Variants in ABCA4 observed in about 807,000 individuals in gnomAD.
ABCA4 encodes the protein ATP binding cassette subfamily A member 4.
Under a neutral mutation model 263.7 loss-of-function variants are expected in ABCA4, and 196 were observed. That is an observed-to-expected ratio of 0.74 (90% confidence interval 0.66 to 0.84). The LOEUF is 0.84. Among genes scored for constraint, ABCA4 ranks in the 40% least tolerant of loss-of-function variants. The pLI is 0.00. For missense variants in ABCA4, 2,792 were observed against 2,855.1 expected (o/e 0.98, Z 0.50); for synonymous variants, 1,133 against 1,094.2 (o/e 1.04, Z -0.70).
chr1:94,055,255 G>T lies in ABCA4; in HGVS notation c.2443C>A (p.Gln815Lys), dbSNP rs140671840. The T allele has an allele frequency of 6.2e-7, 1 of 1,613,956 alleles. No homozygotes were observed. The highest frequency in any genetic ancestry group is 1.3e-5 in the African/African-American group (1 of 74,926). Residue 815 changes from glutamine to lysine, a missense_variant, in exon 16 of 50, where the codon CAA becomes AAA. Gln to Lys is a moderately conservative substitution (Grantham distance 53, BLOSUM62 1). Coordinates refer to ENST00000370225, the MANE Select transcript of ABCA4 (RefSeq NM_000350.3). ...GTEYLVRFEE[Q>K]GLGLQWSNIG... ...TTGCTCCACTGCAGCCCCAGGCCTT[G>T]CTCTTCAAAGCGAACCAGGTACTCA...
intron 11 of ABCA4, among the ~76,000 whole-genome samples, chr1:94,067,357 G>A (rs1366112187): frequency 6.6e-6 from 1 of 152,168 alleles, no homozygotes; most frequent in African/African-American, 2.4e-5. Context: ...TTTTTCAGTG[G>A]CATTGCTGAC....
At chr1:94,111,946 T>C (rs1233511568) in intron 2 of ABCA4, among the ~76,000 whole-genome samples, 1 of 152,222 alleles carries the variant, frequency 6.6e-6, no homozygotes, top group East Asian at 1.9e-4. Flanking sequence ...CGTCTATTCC[T>C]TCAACCACGG....
intron 36 of ABCA4, 64 bp downstream of exon 36, chr1:94,019,518 G>T: frequency 6.6e-7 from 1 of 1,524,394 alleles, no homozygotes; most frequent in South Asian, 1.2e-5. Context: ...TGGTCCTTCA[G>T]AGCACACACA....
intron 41 of ABCA4, 102 bp downstream of exon 41, chr1:94,008,648 AT>A: frequency 6.5e-7 from 1 of 1,537,320 alleles, no homozygotes; most frequent in Non-Finnish European, 9.0e-7. Flanking sequence ...TGGGAACCAA[AT>A]TGCTTGCATA....
intron 27 of ABCA4, 137 bp from the exon 28 acceptor site, chr1:94,031,257 C>T: frequency 4.2e-6 from 5 of 1,202,334 alleles, no homozygotes; most frequent in Non-Finnish European, 6.0e-6. Context: ...GGTTGGGCTT[C>T]TGGGGGAACA....
chr1:94,029,022 G>C (rs1660123024), intron 30 of ABCA4, among the ~76,000 whole-genome samples: 1 of 151,442 alleles, frequency 6.6e-6, no homozygotes, highest in Non-Finnish European at 1.5e-5. Context: ...AAATTATGCA[G>C]TAAATCAGAT....
At chr1:94,070,006 C>T (rs552373964) in intron 11 of ABCA4, among the ~76,000 whole-genome samples, 2 of 152,246 alleles carry the variant, frequency 1.3e-5, no homozygotes, top group Non-Finnish European at 2.9e-5. Context: ...ATGCCTGCGT[C>T]TAACTGGGTC....
chr1:94,036,245 C>G (rs1660332885), intron 26 of ABCA4, among the ~76,000 whole-genome samples: 1 of 150,640 alleles, frequency 6.6e-6, no homozygotes, highest in South Asian at 2.1e-4. Flanking sequence ...CAAAGTGTCC[C>G]CATCTAGACC....
chr1:93,997,832 C>G, intron 48 of ABCA4, 29 bp downstream of exon 48: 7 of 1,613,636 alleles, frequency 4.3e-6, no homozygotes, highest in Middle Eastern at 1.7e-4. Context: ...AGTCTTTGCT[C>G]AGCTCTCGGT....
intron 2 of ABCA4, among the ~76,000 whole-genome samples, chr1:94,112,551 G>T (rs1662638950): frequency 2.0e-5 from 3 of 152,204 alleles, no homozygotes; most frequent in Admixed American, 2.0e-4. Flanking sequence ...TAATCCCAGT[G>T]CTTTAGAACG....
At chr1:94,021,979 C>T (rs1659915376) in intron 32 of ABCA4, 28 bp from the exon 33 acceptor site, 3 of 1,599,080 alleles carry the variant, frequency 1.9e-6, no homozygotes, top group Non-Finnish European at 8.6e-7. Context: ...AATCCTCAGA[C>T]CAGGGCCACG....
intron 32 of ABCA4, among the ~76,000 whole-genome samples, chr1:94,022,406 C>T (rs545812816): frequency 2.0e-5 from 3 of 152,326 alleles, no homozygotes; most frequent in African/African-American, 7.2e-5. Flanking sequence ...CCAAGGACTC[C>T]TTTTCTGTGC....
In ABCA4 at chr1:93,993,010, ATT is replaced by A; in HGVS notation, c.*225_*226del. 1 of 592,450 alleles carries A rather than the reference ATT, an allele frequency of 1.7e-6. No homozygotes were observed. Among genetic ancestry groups the A allele is most frequent in the Non-Finnish European group, 3.0e-6 (1 of 336,280 alleles). 36.7% of individuals were successfully genotyped at this position (592,450 alleles called of 1,614,324 possible). On this transcript the variant is annotated 3_prime_UTR_variant, in exon 50 of 50. Coordinates refer to ENST00000370225, the MANE Select transcript of ABCA4 (RefSeq NM_000350.3). Reference sequence around the variant, plus strand: ...TCTGGGGTCTGGAGAAGGATTTTGTATTTGTTTGGTTTCACCATCAGGTGTTC... The same window carrying A: ...TCTGGGGTCTGGAGAAGGATTTTGTATGTTTGGTTTCACCATCAGGTGTTC...
Position 94,021,371 on chromosome 1 carries a change from G to T in ABCA4, c.4887C>A (p.Ser1629Arg). ...TGGCGTTGTGGGCCACATTGAGAAA[G>T]CTGACCAGGGCATGCCAGCCTTTGT... ...FNNKGWHALV[S>R]FLNVAHNAIL... is the part of the protein sequence containing the mutation. Residue 1629 changes from serine (S) to arginine (R), a missense_variant, in exon 35 of 50, where the codon AGC becomes AGA. By Grantham distance (110) the Ser-to-Arg change is moderately radical. Coordinates refer to ENST00000370225, the MANE Select transcript of ABCA4 (RefSeq NM_000350.3). 1 of 1,614,226 alleles carries T rather than the reference G, an allele frequency of 6.2e-7. No homozygotes were observed. Among genetic ancestry groups the T allele is most frequent in the Non-Finnish European group, 8.5e-7 (1 of 1,180,044 alleles).
chr1:94,041,346 G>A lies in ABCA4; in HGVS notation c.3385C>T (p.Arg1129Cys), dbSNP rs779426136. The A allele has an allele frequency of 1.5e-5, 25 of 1,613,986 alleles. No homozygotes were observed. The highest frequency in any genetic ancestry group is 3.3e-5 in the Admixed American group (2 of 60,000). The change falls in exon 23 of 50, where the codon CGC (arginine) becomes TGC (cysteine). Residue 1129 changes from arginine (R) to cysteine (C), a missense_variant. Arg to Cys is a radical substitution (Grantham distance 180, BLOSUM62 -3). Coordinates refer to ENST00000370225, the MANE Select transcript of ABCA4 (RefSeq NM_000350.3). ...HMDEADLLGDRIAIIAQGRLY... is the reference protein window; with the variant it reads ...HMDEADLLGDCIAIIAQGRLY... ...CTTCCCTGGGCAATGATGGCAATGC[G>A]GTCCCCAAGGAGGTCGGCCTCGTCC...
At chr1:94,064,163 T>G (rs1324882715) in intron 11 of ABCA4, among the ~76,000 whole-genome samples, 1 of 152,222 alleles carries the variant, frequency 6.6e-6, no homozygotes, top group Non-Finnish European at 1.5e-5. Flanking sequence ...CTTGATTAAG[T>G]TGTTCCCTGA....
At chr1:94,098,477 G>C (rs1009492075) in intron 6 of ABCA4, among the ~76,000 whole-genome samples, 11 of 152,194 alleles carry the variant, frequency 7.2e-5, no homozygotes, top group African/African-American at 2.7e-4. Flanking sequence ...GAAATAGCAG[G>C]TCAGGGAGTC....
intron 13 of ABCA4, among the ~76,000 whole-genome samples, 188 bp downstream of exon 13, chr1:94,062,389 T>A (rs940295176): frequency 2.0e-5 from 3 of 152,118 alleles, no homozygotes; most frequent in Non-Finnish European, 2.9e-5. Context: ...CACTGACTCA[T>A]CTGTGCCTGC....
chr1:94,031,669 G>C (rs1660207462), intron 27 of ABCA4, 109 bp downstream of exon 27: 3 of 1,408,370 alleles, frequency 2.1e-6, no homozygotes, highest in Non-Finnish European at 3.0e-6. Context: ...ATCTAAAGAG[G>C]GTGCTCCTTG....
Sources: allele counts gnomAD v4.1 joint callset (sites outside exome capture counted in the v4.1 genomes callset), GRCh38; gene constraint gnomAD v4.1.1; transcripts MANE v1.5; gene names NCBI Gene and HGNC (gene_info 2026-07-23, HGNC 2026-07-21).